Variants in CFAP77 observed in about 807,000 individuals in gnomAD.
CFAP77 encodes cilia- and flagella-associated protein 77.
Under a neutral mutation model 31.1 loss-of-function variants are expected in CFAP77, and 25 were observed. The observed-to-expected ratio is 0.80, with a 90% CI of 0.59 to 1.12. CFAP77 has a LOEUF of 1.12. CFAP77 is among the 50% of genes most tolerant of loss of function. The pLI, the probability that CFAP77 is intolerant of heterozygous loss-of-function variation, is 0.00. For missense variants in CFAP77, 377 were observed against 397.3 expected, an observed-to-expected ratio of 0.95 and a Z score of 0.44; for synonymous variants, 151 against 159.9, an observed-to-expected ratio of 0.94 and a Z score of 0.42.
At chr9:132,507,235 A>C (rs554555321) in intron 3 of CFAP77, among the ~76,000 whole-genome samples, 5 of 152,284 alleles carry the variant, frequency 3.3e-5, no homozygotes, top group South Asian at 2.1e-4. Context: ...TGTGGTGCTG[A>C]CCACAGTGCC....
chr9:132,416,661 C>T (rs186780406), intron 1 of CFAP77, among the ~76,000 whole-genome samples: 2,385 of 118,532 alleles, frequency 0.02, 75 homozygotes, highest in African/African-American at 0.074. Context: ...TTTTTTGAGA[C>T]GGAGTCTCAC....
intron 1 of CFAP77, among the ~76,000 whole-genome samples, chr9:132,426,445 C>T (rs904185665): frequency 1.3e-5 from 2 of 152,118 alleles, no homozygotes; most frequent in Non-Finnish European, 2.9e-5. Flanking sequence ...ACAGTAATGT[C>T]TTCAAACAGG....
chr9:132,465,663 A>G (rs1851141048), intron 1 of CFAP77, among the ~76,000 whole-genome samples: 1 of 152,218 alleles, frequency 6.6e-6, no homozygotes, highest in Non-Finnish European at 1.5e-5. Flanking sequence ...TTGCCTTTAT[A>G]CACATCTGAT....
intron 1 of CFAP77, among the ~76,000 whole-genome samples, chr9:132,414,118 A>G (rs945850125): frequency 6.6e-6 from 1 of 152,216 alleles, no homozygotes; most frequent in African/African-American, 2.4e-5. Context: ...TAATTAACCA[A>G]TGACAATCCA....
chr9:132,561,946 C>T (rs1276958928), intron 5 of CFAP77, among the ~76,000 whole-genome samples: 3 of 152,084 alleles, frequency 2.0e-5, no homozygotes, highest in East Asian at 1.9e-4. Flanking sequence ...CAAGGAGGAA[C>T]GGCCAATGCC....
rs1196729448 is a variant in CFAP77, at chr9:132,481,075, G to T, written c.196-17620G>T. Among the ~76,000 whole-genome samples the T allele has an allele frequency of 6.6e-6, 1 of 152,142 alleles. No individual in the cohort carries two copies. The highest frequency in any genetic ancestry group is 6.5e-5 in the Admixed American group (1 of 15,282). On this transcript the variant is annotated intron_variant, in intron 1 of 5. Coordinates refer to ENST00000393216, the MANE Select transcript of CFAP77 (RefSeq NM_001282957.2). This position sits in a 1 kb window ranked among gnomAD's most constrained non-coding sequence, Gnocchi z 5.0. ...TGCTTTAAAATATCTCCAACAAGCA[G>T]AATTTTAGCCATTTAGAGCCCACCT... is the stretch of plus-strand genomic sequence containing the variant.
intron 1 of CFAP77, among the ~76,000 whole-genome samples, chr9:132,489,480 C>T (rs575616047): frequency 8.5e-5 from 13 of 152,278 alleles, no homozygotes; most frequent in Non-Finnish European, 1.5e-5. Context: ...AGCTACTTGA[C>T]AGTGAAGTTG....
chr9:132,423,455 T>C (rs34533689), intron 1 of CFAP77, among the ~76,000 whole-genome samples: 2,926 of 152,354 alleles, frequency 0.019, 63 homozygotes, highest in African/African-American at 0.053. Context: ...TGCCGGGCAC[T>C]GTGCCTCTCC....
chr9:132,530,136 C>CTTTTTTTTTTTTTTTTTTTTTT (rs750962954), intron 3 of CFAP77, among the ~76,000 whole-genome samples: 193 of 93,250 alleles, frequency 2.1e-3, no homozygotes, highest in African/African-American at 2.9e-3. Context: ...TCTTTCTTTT[C>CTTTTTTTTTTTTTTTTTTTTTT]TTTTTTTTTT....
intron 3 of CFAP77, among the ~76,000 whole-genome samples, chr9:132,503,098 C>T (rs1356229944): frequency 1.3e-5 from 2 of 152,188 alleles, no homozygotes; most frequent in Non-Finnish European, 1.5e-5. Flanking sequence ...AGCCCTGAAA[C>T]CAGGAAGGTG....
intron 1 of CFAP77, among the ~76,000 whole-genome samples, chr9:132,493,435 G>A (rs1229366000): frequency 5.3e-5 from 8 of 152,292 alleles, no homozygotes; most frequent in South Asian, 4.2e-4. Flanking sequence ...ATCTGGTGCC[G>A]GTGTTCATGC....
chr9:132,474,583 G>T (rs185690794), intron 1 of CFAP77, among the ~76,000 whole-genome samples: 2 of 152,152 alleles, frequency 1.3e-5, no homozygotes, highest in Admixed American at 6.5e-5. Flanking sequence ...TTAGGACCAG[G>T]GGGGGAATGC....
chr9:132,551,720 G>A (rs1852823128), intron 5 of CFAP77, among the ~76,000 whole-genome samples: 2 of 152,220 alleles, frequency 1.3e-5, no homozygotes, highest in South Asian at 4.1e-4. Flanking sequence ...TTAAAGTCAC[G>A]TGCCCAAGGT....
chr9:132,520,542 G>T (rs1306870022), intron 3 of CFAP77, among the ~76,000 whole-genome samples: 3 of 152,200 alleles, frequency 2.0e-5, no homozygotes, highest in Non-Finnish European at 4.4e-5. Context: ...CTACTCAGGA[G>T]GCTGAGGCGA....
At chr9:132,522,774 G>A (rs1468006739) in intron 3 of CFAP77, among the ~76,000 whole-genome samples, 3 of 152,182 alleles carry the variant, frequency 2.0e-5, no homozygotes, top group African/African-American at 7.2e-5. Context: ...CGGGTGCTTT[G>A]TGGTGGAAAA....
intron 1 of CFAP77, among the ~76,000 whole-genome samples, chr9:132,452,482 C>T (rs918106333): frequency 1.3e-5 from 2 of 152,134 alleles, no homozygotes; most frequent in Non-Finnish European, 2.9e-5. Flanking sequence ...GGTGAGCAGT[C>T]CAGAAACCAC....
In CFAP77 at chr9:132,499,421, G is replaced by A. The variant is rs1399593187; in HGVS notation, c.345G>A (p.Glu115=). The part of the protein sequence containing the change: ...VFKQQPTCPH[E]LTRNYIAMNR... ...AGCAGCAGCCCACCTGCCCCCACGA[G>A]CTGACCCGGAATTATATCGCAATGA... Residue 115 remains glutamate, a synonymous_variant, in exon 3 of 6, where the codon GAG becomes GAA. Coordinates refer to ENST00000393216, the MANE Select transcript of CFAP77 (RefSeq NM_001282957.2). The surrounding 1 kb of genome is among the most constrained non-coding windows in gnomAD (Gnocchi z 5.4). The A allele has an allele frequency of 1.9e-6, 3 of 1,614,102 alleles. No homozygotes were observed. The highest frequency in any genetic ancestry group is 2.7e-5 in the African/African-American group (2 of 74,938).
chr9:132,552,430 A>G lies in CFAP77; in HGVS notation c.732+9383A>G, dbSNP rs1292252421. On this transcript the variant is annotated intron_variant, in intron 5 of 5. Coordinates refer to ENST00000393216, the MANE Select transcript of CFAP77 (RefSeq NM_001282957.2). The surrounding 1 kb of genome is among the most constrained non-coding windows in gnomAD (Gnocchi z 5.5). ...AGTCGAAGGCCCAGTGCGGTGGCTC[A>G]TGCCTGTAATCTCCCAGCACTTTGG... Among the ~76,000 whole-genome samples the G allele has an allele frequency of 6.6e-6, 1 of 152,230 alleles. No individual in the cohort carries two copies. Among genetic ancestry groups the G allele is most frequent in the East Asian group, 1.9e-4 (1 of 5,194 alleles).
At chr9:132,430,927 A>G (rs1465824578) in intron 1 of CFAP77, among the ~76,000 whole-genome samples, 2 of 152,204 alleles carry the variant, frequency 1.3e-5, no homozygotes, top group Non-Finnish European at 2.9e-5. Flanking sequence ...TTTAAAAATG[A>G]CCTTTATCCA....
Sources: allele counts gnomAD v4.1 joint callset (sites outside exome capture counted in the v4.1 genomes callset), GRCh38; gene constraint gnomAD v4.1.1; non-coding constraint Gnocchi (gnomAD v3.1); transcripts MANE v1.5; gene names NCBI Gene and HGNC (gene_info 2026-07-23, HGNC 2026-07-21).